The following SIRPG variants were observed in gnomAD, a reference collection of about 807,000 sequenced individuals.
SIRPG encodes the protein signal regulatory protein gamma.
A neutral mutation model predicts 35.7 loss-of-function variants in SIRPG; 38 were observed. The ratio of observed to expected loss-of-function variants is 1.06; its 90% CI spans 0.82 to 1.40. The LOEUF (loss-of-function observed/expected upper bound fraction) is 1.40, where lower values mean the gene tolerates loss of function less well. SIRPG is among the 40% of genes most tolerant of loss of function. The pLI, the probability that SIRPG is intolerant of heterozygous loss-of-function variation, is 0.00. For synonymous variants in SIRPG, 215 were observed against 190.4 expected (o/e 1.13, Z -1.06); for missense variants, 519 against 483.0 (o/e 1.07, Z -0.70).
intron 1 of SIRPG, among the ~76,000 whole-genome samples, chr20:1,655,564 T>G (rs2091970238): frequency 6.6e-6 from 1 of 152,130 alleles, no homozygotes; most frequent in South Asian, 2.1e-4. Context: ...GATACAAAAT[T>G]TCAATTTAAA....
At chr20:1,680,677 T>A in the SIRPG span, among the ~76,000 whole-genome samples, 1 of 151,536 alleles carries the variant, frequency 6.6e-6, no homozygotes, top group Admixed American at 6.6e-5. Flanking sequence ...CAATGTAATG[T>A]ACCATATTTA....
At chr20:1,673,652 A>G in the SIRPG span, among the ~76,000 whole-genome samples, 1 of 152,120 alleles carries the variant, frequency 6.6e-6, no homozygotes, top group African/African-American at 2.4e-5. Context: ...CCACCAAGTG[A>G]GGATTCTCTC....
chr20:1,673,374 G>A, the SIRPG span, among the ~76,000 whole-genome samples: 2 of 152,100 alleles, frequency 1.3e-5, no homozygotes, highest in Non-Finnish European at 2.9e-5. Context: ...TCAGAGAGGA[G>A]GCCCGGCTGG....
chr20:1,682,970 A>G, the SIRPG span, among the ~76,000 whole-genome samples: 2 of 152,232 alleles, frequency 1.3e-5, no homozygotes, highest in East Asian at 1.9e-4. Context: ...AACATACAGA[A>G]TGGGAAAATA....
chr20:1,670,069 G>A, the SIRPG span: 1 of 255,502 alleles, frequency 3.9e-6, no homozygotes, highest in Non-Finnish European at 8.7e-6. Flanking sequence ...TCCAGTCGTA[G>A]GTGCCTTCCA....
In SIRPG at chr20:1,657,536, A is replaced by G. The variant is rs914200012; in HGVS notation, c.73+106T>C. The G allele has an allele frequency of 2.3e-5, 25 of 1,108,612 alleles. 1 individual carries two copies. The Admixed American group carries it at 3.0e-4, about 13-fold the overall frequency. The allele number at this position is 1,108,612 out of a possible 1,614,324, so 68.7% of individuals were successfully genotyped here. ...GCTCTTGGACAATGTCCAGTCCTTGACCTTCCTTGGCAGTGCTTGTGCTTA... is the reference window on the plus strand; with the variant it reads ...GCTCTTGGACAATGTCCAGTCCTTGGCCTTCCTTGGCAGTGCTTGTGCTTA... On this transcript the variant is annotated intron_variant, in intron 1 of 5. Coordinates refer to ENST00000303415, the MANE Select transcript of SIRPG (RefSeq NM_018556.4).
chr20:1,676,774 T>C, the SIRPG span: 1 of 214,852 alleles, frequency 4.7e-6, no homozygotes, highest in Non-Finnish European at 9.6e-6. Flanking sequence ...TCTGAACCAC[T>C]GGACAGGCCC....
intron 1 of SIRPG, among the ~76,000 whole-genome samples, chr20:1,654,564 A>C (rs769024803): frequency 2.0e-5 from 3 of 152,252 alleles, no homozygotes; most frequent in Non-Finnish European, 2.9e-5. Flanking sequence ...TAAAGATTTA[A>C]ATGTAAGATC....
chr20:1,678,690 A>T, the SIRPG span, among the ~76,000 whole-genome samples: 1 of 152,212 alleles, frequency 6.6e-6, no homozygotes, highest in Admixed American at 6.5e-5. Flanking sequence ...ATCTTCCCAA[A>T]CTTGATAAAA....
At chr20:1,683,199 ATC>A in the SIRPG span, among the ~76,000 whole-genome samples, 1 of 152,256 alleles carries the variant, frequency 6.6e-6, no homozygotes, top group African/African-American at 2.4e-5. Flanking sequence ...ATAGTGAGGT[ATC>A]ATCTCACACC....
intron 2 of SIRPG, among the ~76,000 whole-genome samples, chr20:1,642,157 C>T (rs1463972179): frequency 6.6e-6 from 1 of 152,180 alleles, no homozygotes; most frequent in African/African-American, 2.4e-5. Context: ...TATTAATTTT[C>T]TGTCTCATTG....
At chr20:1,647,009 G>A (rs1042581140) in intron 2 of SIRPG, 9 of 152,244 alleles carry the variant, frequency 5.9e-5, no homozygotes, top group South Asian at 2.1e-4. Flanking sequence ...GGAAAGAGAA[G>A]GTTGGAGCAT....
chr20:1,659,364 T>C (rs528834424), upstream of SIRPG, among the ~76,000 whole-genome samples: 4 of 152,240 alleles, frequency 2.6e-5, no homozygotes, highest in Non-Finnish European at 5.9e-5. Flanking sequence ...GTGGCAGATG[T>C]ACACAGGGTG....
intron 2 of SIRPG, among the ~76,000 whole-genome samples, chr20:1,644,207 C>T (rs2091879157): frequency 6.6e-6 from 1 of 152,180 alleles, no homozygotes; most frequent in South Asian, 2.1e-4. Context: ...CAGTGGCCAC[C>T]CCTCCCCCTA....
chr20:1,648,948 T>C, intron 2 of SIRPG, 104 bp downstream of exon 2: 1 of 1,090,466 alleles, frequency 9.2e-7, no homozygotes, highest in Non-Finnish European at 1.4e-6. Flanking sequence ...GTCTTGAAAA[T>C]GAGCACTGAA....
intron 4 of SIRPG, chr20:1,630,884 T>C (rs2091744285): frequency 6.6e-6 from 1 of 152,408 alleles, no homozygotes; most frequent in Non-Finnish European, 1.5e-5. Context: ...GACTCCGTGT[T>C]CTCAGAACTT....
the SIRPG span, among the ~76,000 whole-genome samples, chr20:1,674,654 TC>T: frequency 2.6e-5 from 4 of 152,258 alleles, no homozygotes; most frequent in East Asian, 5.8e-4. Context: ...GCACATCCTC[TC>T]CCATCCTCAC....
At chr20:1,659,471 G>A (rs1397807761), upstream of SIRPG, among the ~76,000 whole-genome samples, 1 of 152,160 alleles carries the variant, frequency 6.6e-6, no homozygotes, top group Non-Finnish European at 1.5e-5. Context: ...ACAAGCAATT[G>A]GCTTCTATAT....
chr20:1,676,411 CA>C, the SIRPG span, among the ~76,000 whole-genome samples: 1 of 152,158 alleles, frequency 6.6e-6, no homozygotes, highest in African/African-American at 2.4e-5. Context: ...TACTGTAAAA[CA>C]AATTTGATAT....
Sources: gnomAD v4.1 joint callset for allele counts (sites outside exome capture counted in the v4.1 genomes callset) on GRCh38, gnomAD v4.1.1 for gene constraint, MANE v1.5 for transcripts, NCBI Gene and HGNC (gene_info 2026-07-23, HGNC 2026-07-21) for gene names.